The following FAM81B variants were observed in gnomAD, a reference collection of about 807,000 sequenced individuals.
The protein encoded by FAM81B is family with sequence similarity 81 member B, also known as protein FAM81B.
Under a neutral mutation model 58.7 loss-of-function variants are expected in FAM81B, and 60 were observed. The observed-to-expected ratio is 1.02, with a 90% CI of 0.83 to 1.27. FAM81B has a LOEUF of 1.27. Ranked by LOEUF, FAM81B falls within the 50% of genes most tolerant of loss-of-function variation. FAM81B has a pLI of 0.00. For missense variants in FAM81B, 491 were observed against 522.0 expected (o/e 0.94, Z 0.58); for synonymous variants, 189 against 179.6 (o/e 1.05, Z -0.42).
intron 2 of FAM81B, among the ~76,000 whole-genome samples, chr5:95,394,515 G>C (rs1761912048): frequency 1.3e-5 from 2 of 152,186 alleles, no homozygotes; most frequent in Non-Finnish European, 2.9e-5. Context: ...ACTCAGTACT[G>C]TTTCAGTGGG....
chr5:95,419,816 AT>A (rs1006681517), intron 4 of FAM81B, among the ~76,000 whole-genome samples: 2 of 152,204 alleles, frequency 1.3e-5, no homozygotes, highest in African/African-American at 4.8e-5. Context: ...TCCATAAAAA[AT>A]CTTGCCTGAT....
chr5:95,403,285 A>G (rs1762161354), intron 3 of FAM81B, among the ~76,000 whole-genome samples: 1 of 152,252 alleles, frequency 6.6e-6, no homozygotes, highest in African/African-American at 2.4e-5. Flanking sequence ...ATTCAAGTAT[A>G]AGAAATACTG....
At chr5:95,393,400 A>T (rs1333208251) in intron 2 of FAM81B, among the ~76,000 whole-genome samples, 3 of 152,208 alleles carry the variant, frequency 2.0e-5, no homozygotes, top group African/African-American at 7.2e-5. Flanking sequence ...AATATCAAAC[A>T]TTGATTTTTG....
At chr5:95,423,990 A>G in intron 5 of FAM81B, 5 of 1,287,754 alleles carry the variant, frequency 3.9e-6, no homozygotes, top group Non-Finnish European at 5.1e-6. Flanking sequence ...CAGCAACACC[A>G]AACAGCCGGG....
At chr5:95,407,622 CTG>C (rs1404821345) in intron 3 of FAM81B, among the ~76,000 whole-genome samples, 1 of 152,164 alleles carries the variant, frequency 6.6e-6, no homozygotes, top group Non-Finnish European at 1.5e-5. Flanking sequence ...CAAAACCTAA[CTG>C]TTTTTTGTCT....
intron 7 of FAM81B, among the ~76,000 whole-genome samples, chr5:95,445,777 C>T (rs956856637): frequency 1.2e-4 from 18 of 152,074 alleles, no homozygotes; most frequent in East Asian, 5.8e-4. Context: ...AACCTAAAGT[C>T]CCCCTTGGCA....
At chr5:95,420,892 A>C (rs1329834423) in intron 5 of FAM81B, among the ~76,000 whole-genome samples, 1 of 152,206 alleles carries the variant, frequency 6.6e-6, no homozygotes, top group Non-Finnish European at 1.5e-5. Flanking sequence ...TGAGAATGGC[A>C]GGACCACTCT....
At chr5:95,414,261 C>G in intron 4 of FAM81B, 71 bp downstream of exon 4, 2 of 1,467,916 alleles carry the variant, frequency 1.4e-6, no homozygotes, top group East Asian at 2.3e-5. Context: ...AGATTATCAA[C>G]CATCAGTGTC....
At chr5:95,392,969 G>C (rs555443983) in intron 2 of FAM81B, 72 bp downstream of exon 2, 7 of 1,296,826 alleles carry the variant, frequency 5.4e-6, no homozygotes, top group Middle Eastern at 3.8e-4. Flanking sequence ...AGAGTGCTTA[G>C]AGAGTTTAAG....
In FAM81B at chr5:95,414,124, G is replaced by C; in HGVS notation, c.471G>C (p.Arg157Ser). ...TTCGAAAAGAGGAATCGCTCGCCAG[G>C]AAGTTACTGGAAAGCCACATCCAGA... The part of the protein sequence containing the change: ...HGFRKEESLA[R>S]KLLESHIQTI... Residue 157 changes from arginine (R) to serine (S), a missense_variant, in exon 4 of 10, where the codon AGG (arginine) becomes AGC (serine). Transcript: ENST00000283357. 1 of 1,614,058 alleles carries C rather than the reference G, an allele frequency of 6.2e-7. No individual in the cohort carries two copies. Among genetic ancestry groups the C allele is most frequent in the African/African-American group, 1.3e-5 (1 of 75,000 alleles).
chr5:95,422,090 T>C (rs1408819625), intron 5 of FAM81B, among the ~76,000 whole-genome samples: 1 of 152,130 alleles, frequency 6.6e-6, no homozygotes, highest in Non-Finnish European at 1.5e-5. Context: ...GTGTCAGGGA[T>C]GCCCAAGTTT....
chr5:95,412,662 A>AG (rs1762434980), intron 3 of FAM81B, among the ~76,000 whole-genome samples: 1 of 152,196 alleles, frequency 6.6e-6, no homozygotes, highest in Non-Finnish European at 1.5e-5. Flanking sequence ...ACTTAATTCC[A>AG]AATCTGTCAT....
intron 3 of FAM81B, among the ~76,000 whole-genome samples, chr5:95,397,592 C>G (rs572739258): frequency 6.6e-6 from 1 of 152,264 alleles, no homozygotes; most frequent in African/African-American, 2.4e-5. Flanking sequence ...AAAATGGTAA[C>G]AAACTTAAGC....
intron 6 of FAM81B, among the ~76,000 whole-genome samples, chr5:95,435,129 G>A (rs1296700895): frequency 2.0e-5 from 3 of 152,168 alleles, no homozygotes; most frequent in Non-Finnish European, 4.4e-5. Context: ...GGCTAGGCAC[G>A]GCCTGTAGAA....
intron 5 of FAM81B, chr5:95,423,940 T>C (rs980421205): frequency 8.7e-7 from 1 of 1,150,006 alleles, no homozygotes; most frequent in African/African-American, 1.6e-5. Flanking sequence ...CTCGGGTGGG[T>C]CATCGGAGAA....
chr5:95,416,307 C>A (rs1435134081), intron 4 of FAM81B, among the ~76,000 whole-genome samples: 1 of 152,104 alleles, frequency 6.6e-6, no homozygotes, highest in East Asian at 1.9e-4. Flanking sequence ...TAAAGCTTGA[C>A]ACAGGTCCAT....
intron 3 of FAM81B, among the ~76,000 whole-genome samples, chr5:95,397,578 C>T (rs1761996918): frequency 1.3e-5 from 2 of 152,104 alleles, no homozygotes; most frequent in African/African-American, 4.8e-5. Context: ...AAATAAATTC[C>T]TGGAAAATGG....
chr5:95,396,181 T>G lies in FAM81B; in HGVS notation c.293+6T>G, dbSNP rs201620024. 44 of 1,587,682 alleles carry G rather than the reference T, an allele frequency of 2.8e-5. No homozygotes were observed. Among genetic ancestry groups the G allele is most frequent in the Non-Finnish European group, 3.8e-5 (44 of 1,169,548 alleles). ...CTAGTTGAATATGTTGACAAGTAAG[T>G]GTGTAAATTACAACTAGTTTTAACT... On this transcript the variant is annotated splice_donor_region_variant and intron_variant, in intron 3 of 9. Transcript: ENST00000283357.
At chr5:95,411,249 CA>C (rs1276331038) in intron 3 of FAM81B, among the ~76,000 whole-genome samples, 1 of 151,680 alleles carries the variant, frequency 6.6e-6, no homozygotes, top group East Asian at 1.9e-4. Flanking sequence ...TTGATAATCC[CA>C]AAAAAACACA....
Sources: allele counts gnomAD v4.1 joint callset (sites outside exome capture counted in the v4.1 genomes callset), GRCh38; gene constraint gnomAD v4.1.1; transcripts MANE v1.5; gene names NCBI Gene and HGNC (gene_info 2026-07-23, HGNC 2026-07-21).